AVEN: variants seen among roughly 807,000 people sequenced by gnomAD.
AVEN encodes the protein cell death regulator Aven.
In AVEN, 41 loss-of-function variants were observed where a neutral mutation model predicts 38.1. That is an observed-to-expected ratio of 1.08 (90% confidence interval 0.84 to 1.40). The LOEUF is 1.40. Among genes scored for constraint, AVEN ranks in the 40% most tolerant of loss-of-function variants. The probability of loss-of-function intolerance (pLI) is 0.00; values close to 1 mark genes in which losing one functional copy is unlikely to be tolerated. For synonymous variants in AVEN, 206 were observed against 171.8 expected, an observed-to-expected ratio of 1.20 and a Z score of -1.56; for missense variants, 605 against 438.8, an observed-to-expected ratio of 1.38 and a Z score of -3.38.
chr15:33,882,901 A>C (rs1891549997), intron 2 of AVEN, among the ~76,000 whole-genome samples: 1 of 152,138 alleles, frequency 6.6e-6, no homozygotes, highest in African/African-American at 2.4e-5. Flanking sequence ...CAAAAGAAAC[A>C]AAAACGGAAG....
intron 1 of AVEN, among the ~76,000 whole-genome samples, chr15:34,019,131 G>T (rs561464479): frequency 6.6e-6 from 1 of 152,288 alleles, no homozygotes; most frequent in South Asian, 2.1e-4. Context: ...TAGCTAGACA[G>T]AAAAGTTCTC....
intron 3 of AVEN, among the ~76,000 whole-genome samples, chr15:33,871,774 C>CAAAAAAA (rs55793582): frequency 2.2e-5 from 2 of 91,584 alleles, no homozygotes; most frequent in African/African-American, 4.0e-5. Context: ...CTAGTCTCCT[C>CAAAAAAA]AAAAAAAAAA....
intron 2 of AVEN, among the ~76,000 whole-genome samples, chr15:33,930,589 T>C (rs1464083322): frequency 1.3e-5 from 2 of 152,208 alleles, no homozygotes; most frequent in Non-Finnish European, 2.9e-5. Context: ...TAAAATGCTA[T>C]GGGAATAGTC....
chr15:33,893,991 C>T (rs943625980), intron 2 of AVEN, among the ~76,000 whole-genome samples: 1 of 142,896 alleles, frequency 7.0e-6, no homozygotes, highest in Non-Finnish European at 1.5e-5. Context: ...GCTCTGTTGC[C>T]CAGGCTGGAG....
At chr15:33,858,079 G>C (rs2079892225), downstream of AVEN, 3 of 925,410 alleles carry the variant, frequency 3.2e-6, no homozygotes, top group African/African-American at 1.7e-5. Context: ...CTCCAAACAG[G>C]AGAGTGTCCT....
downstream of AVEN, chr15:33,858,021 A>C: frequency 2.9e-6 from 4 of 1,392,060 alleles, no homozygotes; most frequent in Non-Finnish European, 3.9e-6. Context: ...AGAACTGTAG[A>C]GTTAGTTACA....
intron 2 of AVEN, among the ~76,000 whole-genome samples, chr15:33,948,376 T>C (rs1408825532): frequency 2.0e-5 from 3 of 151,642 alleles, no homozygotes; most frequent in African/African-American, 7.3e-5. Context: ...ATTACAGGCG[T>C]GAGCCACCAC....
upstream of AVEN, among the ~76,000 whole-genome samples, chr15:34,043,448 A>G (rs1156659404): frequency 6.6e-6 from 1 of 152,186 alleles, no homozygotes; most frequent in Non-Finnish European, 1.5e-5. Flanking sequence ...TATATAAACA[A>G]TGCAAACTGG....
chr15:33,868,852 G>C (rs1423365272), intron 4 of AVEN, among the ~76,000 whole-genome samples: 1 of 152,130 alleles, frequency 6.6e-6, no homozygotes, highest in Non-Finnish European at 1.5e-5. Flanking sequence ...CTCATTCCAT[G>C]TATACTTACA....
downstream of AVEN, chr15:33,865,077 T>C: frequency 7.0e-7 from 1 of 1,435,218 alleles, no homozygotes; most frequent in East Asian, 2.3e-5. Context: ...ACAAACTGGG[T>C]TTTAGCTTTT....
At chr15:33,859,318 T>C (rs12907899) in intron 11 of AVEN, among the ~76,000 whole-genome samples, 51,346 of 152,258 alleles carry the variant, frequency 0.34, 10,748 homozygotes, top group Non-Finnish European at 0.47. Context: ...TTTTAACTTA[T>C]ATACACCTTT....
chr15:33,906,873 T>C (rs622771), intron 2 of AVEN, among the ~76,000 whole-genome samples: 31,560 of 152,122 alleles, frequency 0.21, 4,143 homozygotes, highest in Admixed American at 0.3. Flanking sequence ...CACTTAAAGA[T>C]GATTAAAGTG....
Position 33,873,103 on chromosome 15 carries a change from T to TTC in AVEN, c.517-2074_517-2073insGA, listed in dbSNP as rs1456179175. On this transcript the variant is annotated intron_variant, in intron 3 of 5. Transcript: ENST00000306730. ...TTCTACTTTTCCTTTTCTTTTTTTT[T>TTC]TTTTTTTTTTTTTTTTGAGATGGAG... Among the ~76,000 whole-genome samples the TTC allele has an allele frequency of 4.4e-5, 6 of 137,840 alleles. No homozygotes were observed. The East Asian group carries it at 1.3e-3, about 29-fold the overall frequency. The allele number at this position is 137,840 out of a possible 152,430, so 90.4% of individuals were successfully genotyped here.
intron 1 of AVEN, among the ~76,000 whole-genome samples, chr15:34,012,409 T>A (rs1332849911): frequency 6.6e-6 from 1 of 152,232 alleles, no homozygotes; most frequent in Non-Finnish European, 1.5e-5. Context: ...TTCTGGGTGA[T>A]CTTGGTGTGC....
At chr15:33,918,795 ATGT>A (rs774621763) in intron 2 of AVEN, among the ~76,000 whole-genome samples, 6 of 152,116 alleles carry the variant, frequency 3.9e-5, no homozygotes, top group Non-Finnish European at 5.9e-5. Flanking sequence ...CTTCTAAATG[ATGT>A]TGTCTTAATT....
intron 2 of AVEN, among the ~76,000 whole-genome samples, chr15:33,983,160 ATGTG>A (rs1491327104): frequency 3.1e-5 from 2 of 64,536 alleles, no homozygotes; most frequent in Admixed American, 1.6e-4. Flanking sequence ...GTGTGTGTGT[ATGTG>A]TGTGTGTATA....
At chr15:33,896,708 G>C (rs567233139) in intron 2 of AVEN, among the ~76,000 whole-genome samples, 8 of 152,232 alleles carry the variant, frequency 5.3e-5, no homozygotes, top group Admixed American at 2.6e-4. Context: ...CATCTGCCTG[G>C]AGCCTAATCA....
chr15:33,860,487 G>C, intron 11 of AVEN: 2 of 624,840 alleles, frequency 3.2e-6, no homozygotes, highest in South Asian at 6.0e-5. Context: ...ATTTTGCTTT[G>C]ATAATTCACT....
At chr15:33,997,548 C>T (rs771429330) in intron 2 of AVEN, among the ~76,000 whole-genome samples, 7 of 152,150 alleles carry the variant, frequency 4.6e-5, no homozygotes, top group Non-Finnish European at 1.0e-4. Flanking sequence ...CCCACCAAAT[C>T]TCAACGTCAA....
Sources: gnomAD v4.1 joint callset for allele counts (sites outside exome capture counted in the v4.1 genomes callset) on GRCh38, gnomAD v4.1.1 for gene constraint, MANE v1.5 for transcripts, NCBI Gene and HGNC (gene_info 2026-07-23, HGNC 2026-07-21) for gene names.